CSGALNACT1: variants seen among roughly 807,000 people sequenced by gnomAD.
CSGALNACT1 encodes the protein beta4GalNAcT-1.
In CSGALNACT1, 52 loss-of-function variants were observed where a neutral mutation model predicts 51.0. The ratio of observed to expected loss-of-function variants is 1.02; its 90% CI spans 0.82 to 1.29. The LOEUF (loss-of-function observed/expected upper bound fraction) is 1.29. Among genes scored for constraint, CSGALNACT1 ranks in the 50% most tolerant of loss-of-function variants. CSGALNACT1 has a pLI of 0.00. For synonymous variants in CSGALNACT1, 341 were observed against 254.4 expected, an observed-to-expected ratio of 1.34 and a Z score of -3.24; for missense variants, 935 against 679.2, an observed-to-expected ratio of 1.38 and a Z score of -4.19.
chr8:19,563,810 C>T (rs761605244), intron 3 of CSGALNACT1, among the ~76,000 whole-genome samples: 2 of 152,174 alleles, frequency 1.3e-5, no homozygotes, highest in African/African-American at 4.8e-5. Flanking sequence ...GCGACTCATA[C>T]AGTCTAGCCT....
intron 1 of CSGALNACT1, among the ~76,000 whole-genome samples, chr8:19,702,145 C>T (rs1383269376): frequency 6.6e-6 from 1 of 152,140 alleles, no homozygotes; most frequent in African/African-American, 2.4e-5. Context: ...CACCATCCAT[C>T]ACACCACCAT....
At chr8:19,468,803 T>G (rs2067342121) in intron 4 of CSGALNACT1, among the ~76,000 whole-genome samples, 1 of 152,072 alleles carries the variant, frequency 6.6e-6, no homozygotes, top group Non-Finnish European at 1.5e-5. Flanking sequence ...GGGCAAGCCT[T>G]TTGTAGACAT....
chr8:19,519,614 G>A (rs149827333), intron 3 of CSGALNACT1, among the ~76,000 whole-genome samples: 1 of 152,182 alleles, frequency 6.6e-6, no homozygotes, highest in East Asian at 1.9e-4. Flanking sequence ...GCCAAATCAT[G>A]CTTTGATCCG....
In CSGALNACT1 at chr8:19,437,434, T is replaced by C. The variant is rs138994638; in HGVS notation, c.953+2396A>G. Among the ~76,000 whole-genome samples the C allele has an allele frequency of 3.3e-5, 5 of 152,006 alleles. No homozygotes were observed. The East Asian group carries it at 5.8e-4, about 18-fold the overall frequency. On this transcript the variant is annotated intron_variant, in intron 6 of 9. Transcript: ENST00000454498. ...GAGGTAGGAAGATTGATCTGGAAGG[T>C]AGAGTGTGGTATGGTACTGTGAAGT...
At chr8:19,596,814 A>G (rs2154138999) in intron 2 of CSGALNACT1, among the ~76,000 whole-genome samples, 1 of 152,280 alleles carries the variant, frequency 6.6e-6, no homozygotes, top group African/African-American at 2.4e-5. Context: ...TTGACTTTTT[A>G]TTTTTAATTG....
chr8:19,648,104 T>C (rs1434577468), intron 1 of CSGALNACT1, among the ~76,000 whole-genome samples: 1 of 152,220 alleles, frequency 6.6e-6, no homozygotes, highest in Non-Finnish European at 1.5e-5. Context: ...GTGAATATAA[T>C]GACAATGTGT....
intron 1 of CSGALNACT1, among the ~76,000 whole-genome samples, chr8:19,619,517 G>A (rs1052557844): frequency 2.6e-5 from 4 of 152,058 alleles, no homozygotes; most frequent in African/African-American, 9.7e-5. Flanking sequence ...GACTGGAGGT[G>A]TGGAAACAAG....
chr8:19,742,939 TCTC>T (rs2064405723), intron 1 of CSGALNACT1, among the ~76,000 whole-genome samples: 6 of 152,212 alleles, frequency 3.9e-5, no homozygotes, highest in Admixed American at 3.9e-4. Flanking sequence ...AGCTTTGGCT[TCTC>T]CTTCTGTGGT....
intron 1 of CSGALNACT1, among the ~76,000 whole-genome samples, chr8:19,710,866 C>T (rs1021849982): frequency 6.6e-6 from 1 of 152,126 alleles, no homozygotes; most frequent in Non-Finnish European, 1.5e-5. Flanking sequence ...CCTAGATTGT[C>T]TCTTTCACAT....
intron 1 of CSGALNACT1, among the ~76,000 whole-genome samples, chr8:19,690,436 A>T (rs1339523181): frequency 1.3e-5 from 2 of 152,226 alleles, no homozygotes; most frequent in Non-Finnish European, 2.9e-5. Flanking sequence ...AAAAAAAATG[A>T]CAAAAGCTAC....
At chr8:19,569,618 G>A (rs991150168) in intron 3 of CSGALNACT1, among the ~76,000 whole-genome samples, 10 of 152,120 alleles carry the variant, frequency 6.6e-5, no homozygotes, top group African/African-American at 1.9e-4. Flanking sequence ...GGAGCAACTG[G>A]AGCTCACATA....
chr8:19,674,398 G>A (rs1375262404), intron 1 of CSGALNACT1, among the ~76,000 whole-genome samples: 3 of 152,182 alleles, frequency 2.0e-5, no homozygotes, highest in African/African-American at 7.2e-5. Context: ...CAGAAGTTGA[G>A]TGAGAGATAA....
chr8:19,620,585 C>G (rs1323198694), intron 1 of CSGALNACT1, among the ~76,000 whole-genome samples: 3 of 151,950 alleles, frequency 2.0e-5, no homozygotes, highest in African/African-American at 7.3e-5. Context: ...GCATCCACCA[C>G]CAGGCCTGGC....
chr8:19,747,702 A>T (rs976220062), intron 1 of CSGALNACT1, among the ~76,000 whole-genome samples: 3 of 152,120 alleles, frequency 2.0e-5, no homozygotes, highest in Non-Finnish European at 4.4e-5. Context: ...TTCCTACTTT[A>T]TGGATTAAGA....
chr8:19,610,836 G>T (rs2052147713), intron 1 of CSGALNACT1, among the ~76,000 whole-genome samples: 1 of 152,234 alleles, frequency 6.6e-6, no homozygotes. Context: ...CTTGAGACAA[G>T]GTGGAGGATC....
intron 4 of CSGALNACT1, among the ~76,000 whole-genome samples, chr8:19,493,730 T>A (rs766989606): frequency 5.9e-5 from 9 of 152,256 alleles, no homozygotes; most frequent in Non-Finnish European, 1.3e-4. Context: ...ATTCTGTTTA[T>A]TGATCCATCC....
intron 3 of CSGALNACT1, among the ~76,000 whole-genome samples, chr8:19,533,631 ATCC>A: frequency 6.6e-6 from 1 of 152,226 alleles, no homozygotes; most frequent in East Asian, 1.9e-4. Context: ...TGTACTTCAC[ATCC>A]TCCTAATAGG....
intron 1 of CSGALNACT1, 116 bp from the exon 2 acceptor site, chr8:19,601,981 G>A: frequency 4.9e-6 from 2 of 405,770 alleles, no homozygotes; most frequent in Non-Finnish European, 9.9e-6. Context: ...CAATGCATCT[G>A]AAAGTATTAC....
chr8:19,471,126 A>C (rs2068052600), intron 4 of CSGALNACT1, among the ~76,000 whole-genome samples: 1 of 151,374 alleles, frequency 6.6e-6, no homozygotes, highest in South Asian at 2.1e-4. Context: ...AAGGAGAGAG[A>C]GGGGAGAGAG....
Sources: allele counts gnomAD v4.1 joint callset (sites outside exome capture counted in the v4.1 genomes callset), GRCh38; gene constraint gnomAD v4.1.1; transcripts MANE v1.5; gene names NCBI Gene and HGNC (gene_info 2026-07-23, HGNC 2026-07-21).